Variants in ANKRD55 observed in about 807,000 individuals in gnomAD.
ANKRD55 encodes the protein ankyrin repeat domain 55.
ANKRD55 carries 41 observed loss-of-function variants against 60.6 expected under a neutral mutation model. The ratio of observed to expected loss-of-function variants is 0.68; its 90% CI spans 0.53 to 0.88. The LOEUF (loss-of-function observed/expected upper bound fraction) is 0.88. Among genes scored for constraint, ANKRD55 ranks in the 40% least tolerant of loss-of-function variants. ANKRD55 has a pLI of 0.00. For synonymous variants in ANKRD55, 264 were observed against 290.3 expected (o/e 0.91, Z 0.92); for missense variants, 732 against 767.6 (o/e 0.95, Z 0.55).
intron 2 of ANKRD55, among the ~76,000 whole-genome samples, chr5:56,204,267 T>C (rs901473464): frequency 3.3e-5 from 5 of 152,254 alleles, no homozygotes; most frequent in East Asian, 1.9e-4. Context: ...TTCTCCCATT[T>C]TGTAGGTTGC....
chr5:56,102,588 T>C lies in ANKRD55; in HGVS notation c.1631-2A>G. 3 of 1,610,298 alleles carry C rather than the reference T, an allele frequency of 1.9e-6. No homozygotes were observed. Among genetic ancestry groups the C allele is most frequent in the Non-Finnish European group, 2.5e-6 (3 of 1,176,978 alleles). On this transcript the variant is annotated splice_acceptor_variant, in intron 10 of 11. Coordinates refer to ENST00000341048, the MANE Select transcript of ANKRD55 (RefSeq NM_024669.3). LOFTEE classifies it high-confidence loss of function. Reference sequence around the variant, plus strand: ...GGGAAAGATGCTGAAAATTTTGTCCTGAAGATAAACATATTTGCATCAATT... The same window carrying C: ...GGGAAAGATGCTGAAAATTTTGTCCCGAAGATAAACATATTTGCATCAATT...
intron 6 of ANKRD55, among the ~76,000 whole-genome samples, chr5:56,151,165 AGG>A (rs1758033659): frequency 6.6e-6 from 1 of 152,142 alleles, no homozygotes; most frequent in Admixed American, 6.5e-5. Context: ...GCCTAATTTC[AGG>A]TATGTTTCTG....
At chr5:56,108,193 T>C (rs889608841) in intron 10 of ANKRD55, 10 of 152,284 alleles carry the variant, frequency 6.6e-5, no homozygotes, top group African/African-American at 2.4e-4. Flanking sequence ...TAAACTTCTA[T>C]GTTGTTCAAG....
intron 2 of ANKRD55, chr5:56,192,847 A>G (rs538094868): frequency 4.3e-6 from 3 of 704,988 alleles, no homozygotes; most frequent in East Asian, 2.9e-5. Flanking sequence ...CTCAAAACCT[A>G]CAGAAAAAGG....
intron 6 of ANKRD55, among the ~76,000 whole-genome samples, chr5:56,151,221 T>C (rs62362365): frequency 0.21 from 32,285 of 152,172 alleles, 4,030 homozygotes; most frequent in Middle Eastern, 0.29. Context: ...GATGTGTCCA[T>C]GTCATAAATA....
chr5:56,102,415 G>T, intron 11 of ANKRD55, 79 bp downstream of exon 11: 4 of 1,040,376 alleles, frequency 3.8e-6, no homozygotes, highest in Non-Finnish European at 5.7e-6. Context: ...AAAAATGAAA[G>T]TAAACGGAAA....
intron 5 of ANKRD55, among the ~76,000 whole-genome samples, chr5:56,165,163 G>C (rs1466483576): frequency 6.6e-6 from 1 of 152,132 alleles, no homozygotes; most frequent in Admixed American, 6.5e-5. Context: ...TGAGCACAAG[G>C]GCACTATGTG....
Position 56,212,395 on chromosome 5 carries a change from C to T in ANKRD55, c.58+20461G>A, listed in dbSNP as rs537538477. On this transcript the variant is annotated intron_variant, in intron 2 of 11. Coordinates refer to ENST00000341048, the MANE Select transcript of ANKRD55 (RefSeq NM_024669.3). ...TTTCAAACCAGTTGCAAACATTATA[C>T]GTAATAGTGAAACAATAGAGAAGGG... 3.3e-5 allele frequency among the ~76,000 whole-genome samples: 5 copies of T among 151,994 alleles called. No homozygotes were observed. In the South Asian group the frequency reaches 6.2e-4, roughly 19 times the overall value.
intron 6 of ANKRD55, among the ~76,000 whole-genome samples, chr5:56,153,785 C>T (rs1343677901): frequency 2.6e-5 from 4 of 150,952 alleles, no homozygotes; most frequent in Admixed American, 1.3e-4. Context: ...TGCAGTGAGC[C>T]GAGATCGCAC....
intron 6 of ANKRD55, chr5:56,146,707 A>T (rs1757908885): frequency 6.6e-6 from 1 of 152,172 alleles, no homozygotes; most frequent in African/African-American, 2.4e-5. Context: ...ATTAGCTGAA[A>T]CTTGTCAGGA....
chr5:56,166,199 T>TTCCTTCCTTCCTTCCTTC lies in ANKRD55; in HGVS notation c.422+4494_422+4495insGAAGGAAGGAAGGAAGGA, dbSNP rs769664867. Among the ~76,000 whole-genome samples the TTCCTTCCTTCCTTCCTTC allele has an allele frequency of 1.3e-3, 127 of 96,104 alleles. 11 individuals carry two copies. Among genetic ancestry groups the TTCCTTCCTTCCTTCCTTC allele is most frequent in the African/African-American group, 6.1e-3 (104 of 17,184 alleles). 63.0% of individuals were successfully genotyped at this position (96,104 alleles called of 152,430 possible). A position where few individuals can be genotyped will look rare whatever the true frequency, so the allele number is the denominator to read the frequency against. On this transcript the variant is annotated intron_variant, in intron 5 of 11. Coordinates refer to ENST00000341048, the MANE Select transcript of ANKRD55 (RefSeq NM_024669.3). ...CTTCCTTCCTTCCTTCCTTCCTTCC[T>TTCCTTCCTTCCTTCCTTC]TCTCTCTCTCTCTCTCTCTTTCTTT...
At chr5:56,170,873 T>G in intron 4 of ANKRD55, 70 bp from the exon 5 acceptor site, 109 of 1,398,010 alleles carry the variant, frequency 7.8e-5, no homozygotes, top group Middle Eastern at 1.8e-4. Context: ...AAACTTTCTC[T>G]AGATTTTTTT....
At chr5:56,130,964 A>C (rs1420588514) in intron 7 of ANKRD55, among the ~76,000 whole-genome samples, 1 of 152,240 alleles carries the variant, frequency 6.6e-6, no homozygotes, top group Non-Finnish European at 1.5e-5. Context: ...ACTGAAAAAA[A>C]CAGAACAGAA....
intron 7 of ANKRD55, among the ~76,000 whole-genome samples, chr5:56,143,398 G>A (rs756623991): frequency 1.2e-4 from 18 of 152,230 alleles, no homozygotes; most frequent in South Asian, 4.2e-4. Flanking sequence ...TTTCACTGTC[G>A]GGTGTAGAAT....
At chr5:56,231,097 A>G (rs537243458) in intron 2 of ANKRD55, among the ~76,000 whole-genome samples, 1 of 152,240 alleles carries the variant, frequency 6.6e-6, no homozygotes, top group Non-Finnish European at 1.5e-5. Context: ...ACAGCTAAGA[A>G]GTAGATGATC....
intron 8 of ANKRD55, among the ~76,000 whole-genome samples, chr5:56,121,532 C>T (rs1454319685): frequency 6.6e-6 from 1 of 151,944 alleles, no homozygotes; most frequent in Non-Finnish European, 1.5e-5. Context: ...GCCACCACAC[C>T]CAGCTAATTT....
rs1337192395 is a variant in ANKRD55, at chr5:56,176,377, A to G, written c.182-95T>C. 3.5e-6 allele frequency: 5 copies of G among 1,437,570 alleles called. No individual in the cohort carries two copies. The African/African-American group carries it at 7.0e-5, about 20-fold the overall frequency. The allele number at this position is 1,437,570 out of a possible 1,614,324, so 89.1% of individuals were successfully genotyped here. On this transcript the variant is annotated intron_variant, in intron 3 of 11. Transcript: ENST00000341048. ...CCTGTTCATTTATTTTGCTATTTGCAATACAAACCCAGCTGTTTGTATGGG... is the reference window on the plus strand; with the variant it reads ...CCTGTTCATTTATTTTGCTATTTGCGATACAAACCCAGCTGTTTGTATGGG...
chr5:56,117,540 G>T (rs185980127), intron 8 of ANKRD55, among the ~76,000 whole-genome samples: 319 of 151,956 alleles, frequency 2.1e-3, no homozygotes, highest in African/African-American at 7.5e-3. Flanking sequence ...TGCAACCTTC[G>T]CCTCCCAGGT....
intron 10 of ANKRD55, among the ~76,000 whole-genome samples, chr5:56,106,539 T>A (rs977721268): frequency 4.1e-5 from 6 of 147,366 alleles, no homozygotes; most frequent in Non-Finnish European, 6.0e-5. Flanking sequence ...TTCTCCCACC[T>A]CAGCCTCCAC....
Sources: allele counts gnomAD v4.1 joint callset (sites outside exome capture counted in the v4.1 genomes callset), GRCh38; gene constraint gnomAD v4.1.1; transcripts MANE v1.5; gene names NCBI Gene and HGNC (gene_info 2026-07-23, HGNC 2026-07-21).